The following SCMH1 variants were observed in gnomAD, a reference collection of about 807,000 sequenced individuals.
SCMH1 encodes the protein polycomb protein SCMH1.
Under a neutral mutation model 70.8 loss-of-function variants are expected in SCMH1, and 37 were observed. That is an observed-to-expected ratio of 0.52 (90% CI 0.40 to 0.69). The LOEUF is 0.69. Among genes scored for constraint, SCMH1 ranks in the 30% least tolerant of loss-of-function variants. The probability of loss-of-function intolerance (pLI) is 0.00; values close to 1 mark genes in which losing one functional copy is unlikely to be tolerated. For missense variants in SCMH1, 607 were observed against 827.3 expected (o/e 0.73, Z 3.27); for synonymous variants, 292 against 307.4 (o/e 0.95, Z 0.52).
intron 1 of SCMH1, among the ~76,000 whole-genome samples, chr1:41,218,760 C>T (rs1573164773): frequency 6.6e-6 from 1 of 152,280 alleles, no homozygotes. Context: ...ATCACAACCC[C>T]ATGAGGAAAA....
At chr1:41,077,522 ATGGCTGATCTCC>A (rs1415338810) in intron 8 of SCMH1, among the ~76,000 whole-genome samples, 1 of 152,166 alleles carries the variant, frequency 6.6e-6, no homozygotes, top group Non-Finnish European at 1.5e-5. Flanking sequence ...CCCCAAATAC[ATGGCTGATCTCC>A]TCTTAAAGAT....
chr1:41,169,562 G>T (rs1646648537), intron 2 of SCMH1, among the ~76,000 whole-genome samples: 1 of 152,102 alleles, frequency 6.6e-6, no homozygotes, highest in Admixed American at 6.5e-5. Context: ...ATAATCCTTT[G>T]GGAGACAGCT....
chr1:41,190,130 G>A (rs549999486), intron 1 of SCMH1, among the ~76,000 whole-genome samples: 1 of 152,288 alleles, frequency 6.6e-6, no homozygotes, highest in African/African-American at 2.4e-5. Flanking sequence ...TCAGAAGTAG[G>A]ATTTTATGTT....
At chr1:41,028,589 T>C (rs1292765821) in exon 14 of SCMH1, 2 of 1,614,130 alleles carry the variant, frequency 1.2e-6, no homozygotes, top group Non-Finnish European at 8.5e-7. Context: ...CCTACGTGTT[T>C]GCGAAACAGG....
At chr1:41,039,692 T>C (rs924949651) in intron 12 of SCMH1, among the ~76,000 whole-genome samples, 1 of 151,990 alleles carries the variant, frequency 6.6e-6, no homozygotes, top group Non-Finnish European at 1.5e-5. Context: ...CAGGCTAGTC[T>C]TGAACTCCTG....
chr1:41,104,252 A>G (rs1441686267), intron 8 of SCMH1, among the ~76,000 whole-genome samples: 2 of 152,218 alleles, frequency 1.3e-5, no homozygotes, highest in Non-Finnish European at 2.9e-5. Context: ...TGAGCCTGTA[A>G]CTGTGGATAG....
chr1:41,178,854 G>A (rs1262257120), intron 2 of SCMH1, among the ~76,000 whole-genome samples: 2 of 152,180 alleles, frequency 1.3e-5, no homozygotes, highest in Admixed American at 1.3e-4. Flanking sequence ...AGGATATCCA[G>A]GAATTGAGCT....
chr1:41,098,915 C>A, intron 8 of SCMH1: 1 of 244,050 alleles, frequency 4.1e-6, no homozygotes, highest in East Asian at 1.1e-4. Context: ...TATTAAGTCC[C>A]TCCTGACCAC....
At chr1:41,055,575 G>A (rs554449273) in intron 10 of SCMH1, among the ~76,000 whole-genome samples, 2 of 152,138 alleles carry the variant, frequency 1.3e-5, no homozygotes, top group African/African-American at 4.8e-5. Context: ...CTTGTGATCC[G>A]CCTGCCTTGG....
rs191948531 is a variant in SCMH1, at chr1:41,107,815, G to C, written c.745+5468C>G. Among the ~76,000 whole-genome samples the C allele has an allele frequency of 2.4e-3, 366 of 152,330 alleles. 1 individual carries two copies. The highest frequency in any genetic ancestry group is 8.2e-3 in the African/African-American group (339 of 41,572). The stretch of plus-strand genomic sequence containing the variant: ...TTACAGGCGTGAGCCACTGCGCCTA[G>C]CCTAGGATTACAATTTAATTAACTC... On this transcript the variant is annotated intron_variant, in intron 8 of 14. Coordinates refer to ENST00000337495, the Ensembl canonical transcript of SCMH1.
At chr1:41,152,742 C>A in intron 4 of SCMH1, 1 of 1,603,042 alleles carries the variant, frequency 6.2e-7, no homozygotes, top group South Asian at 1.1e-5. Flanking sequence ...GCACTAGATG[C>A]TGGGAATAAA....
chr1:41,143,248 G>A, intron 5 of SCMH1, 136 bp from the exon 6 acceptor site: 1 of 640,382 alleles, frequency 1.6e-6, no homozygotes. Flanking sequence ...ATGGTTTCAT[G>A]CAAAAGAAAC....
intron 9 of SCMH1, among the ~76,000 whole-genome samples, chr1:41,074,667 CA>C: frequency 6.6e-6 from 1 of 152,296 alleles, no homozygotes; most frequent in Admixed American, 6.5e-5. Flanking sequence ...AGAATCTCCT[CA>C]AATATGAGTG....
In SCMH1 at chr1:41,046,733, CCTCCCTCCCTTTAA is replaced by C. The variant is rs978935256; in HGVS notation, c.1307-149_1307-136del. 8 of 690,184 alleles carry C rather than the reference CCTCCCTCCCTTTAA, an allele frequency of 1.2e-5. No homozygotes were observed. The African/African-American group carries it at 1.4e-4, about 12-fold the overall frequency. The allele number at this position is 690,184 out of a possible 1,614,324, so 42.8% of individuals were successfully genotyped here. Reference sequence around the variant, plus strand: ...GGGAATCAGTGCCCCACGTTTCCTCCCTCCCTCCCTTTAACTCCCTCCCTCGAGGGCTTTGATTT... The same window carrying C: ...GGGAATCAGTGCCCCACGTTTCCTCCCTCCCTCCCTCGAGGGCTTTGATTT... On this transcript the variant is annotated intron_variant, in intron 11 of 14. Transcript: ENST00000337495.
chr1:41,036,076 C>T (rs910108766), intron 13 of SCMH1, among the ~76,000 whole-genome samples: 6 of 152,290 alleles, frequency 3.9e-5, no homozygotes, highest in African/African-American at 1.4e-4. Context: ...CCTTCCCGTT[C>T]TCACCTCCTA....
Position 41,047,447 on chromosome 1 carries a change from G to C in SCMH1, c.1307-849C>G, listed in dbSNP as rs189863832. On this transcript the variant is annotated intron_variant, in intron 11 of 14. Coordinates refer to ENST00000337495, the Ensembl canonical transcript of SCMH1. ...AGTCTTGCTCTGTCACCCAGGCTGG[G>C]GTGCAATGGCACGATCTCAGCTCAC... Among the ~76,000 whole-genome samples the C allele has an allele frequency of 2.8e-3, 413 of 149,512 alleles. 4 individuals carry two copies. Among genetic ancestry groups the C allele is most frequent in the African/African-American group, 9.5e-3 (385 of 40,632 alleles).
chr1:41,117,158 A>G (rs1020969648), intron 6 of SCMH1, 148 bp from the exon 7 acceptor site: 8 of 456,778 alleles, frequency 1.8e-5, no homozygotes, highest in Non-Finnish European at 2.4e-5. Flanking sequence ...GAATAGTTAT[A>G]CTAGATATAG....
chr1:41,230,579 G>A (rs1238491114), intron 1 of SCMH1, among the ~76,000 whole-genome samples: 2 of 151,668 alleles, frequency 1.3e-5, no homozygotes, highest in Non-Finnish European at 2.9e-5. Flanking sequence ...GATCCCCTGA[G>A]CCCAGGAATT....
rs578018183 is a variant in SCMH1, at chr1:41,106,065, G to A, written c.745+7218C>T. On this transcript the variant is annotated intron_variant, in intron 8 of 14. Coordinates refer to ENST00000337495, the Ensembl canonical transcript of SCMH1. ...AATTTTTGTATTTTTAGTAGAGACA[G>A]GGTTTCACCAACTTGGCCAGGCTGG... Among the ~76,000 whole-genome samples, 233 of 151,752 alleles carry A rather than the reference G, an allele frequency of 1.5e-3. 1 individual carries two copies. Among genetic ancestry groups the A allele is most frequent in the Middle Eastern group, 3.4e-3 (1 of 292 alleles).
Sources: gnomAD v4.1 joint callset for allele counts (sites outside exome capture counted in the v4.1 genomes callset) on GRCh38, gnomAD v4.1.1 for gene constraint, MANE v1.5 for transcripts, NCBI Gene and HGNC (gene_info 2026-07-23, HGNC 2026-07-21) for gene names.